ATRNL1: variants seen among roughly 807,000 people sequenced by gnomAD.
ATRNL1 encodes attractin like 1, also known as attractin-like protein 1.
Under a neutral mutation model 182.7 loss-of-function variants are expected in ATRNL1, and 95 were observed. The observed-to-expected ratio is 0.52, with a 90% confidence interval of 0.44 to 0.62. The LOEUF (loss-of-function observed/expected upper bound fraction) is 0.62. Ranked by LOEUF, ATRNL1 falls within the 20% of genes least tolerant of loss-of-function variation. The pLI is 0.00. For missense variants in ATRNL1, 1,471 were observed against 1,679.5 expected, an observed-to-expected ratio of 0.88 and a Z score of 2.17; for synonymous variants, 576 against 568.3, an observed-to-expected ratio of 1.01 and a Z score of -0.19.
chr10:115,625,498 T>C (rs1266824165), intron 26 of ATRNL1, among the ~76,000 whole-genome samples: 3 of 152,174 alleles, frequency 2.0e-5, no homozygotes, highest in African/African-American at 4.8e-5. Flanking sequence ...TGAAAAATAT[T>C]ACACATGTGT....
intron 10 of ATRNL1, among the ~76,000 whole-genome samples, chr10:115,250,125 A>C (rs1850811609): frequency 6.6e-6 from 1 of 152,158 alleles, no homozygotes; most frequent in African/African-American, 2.4e-5. Flanking sequence ...TTTGAGCTAC[A>C]TACTTACACA....
chr10:115,109,921 T>A (rs1844187403), intron 1 of ATRNL1, among the ~76,000 whole-genome samples: 1 of 152,208 alleles, frequency 6.6e-6, no homozygotes, highest in African/African-American at 2.4e-5. Flanking sequence ...CACCATTACC[T>A]AATTTTAGGC....
chr10:115,179,738 A>G (rs1278936795), intron 8 of ATRNL1, among the ~76,000 whole-genome samples: 1 of 152,090 alleles, frequency 6.6e-6, no homozygotes, highest in Non-Finnish European at 1.5e-5. Context: ...GTGGATAAAA[A>G]TGTTGGCAGA....
At chr10:115,250,041 A>T (rs1465620391) in intron 10 of ATRNL1, among the ~76,000 whole-genome samples, 1 of 152,152 alleles carries the variant, frequency 6.6e-6, no homozygotes, top group Non-Finnish European at 1.5e-5. Context: ...TCCTCTTGTT[A>T]TCTGGACAGC....
At chr10:115,424,840 C>A (rs1845813000) in intron 20 of ATRNL1, among the ~76,000 whole-genome samples, 2 of 152,040 alleles carry the variant, frequency 1.3e-5, no homozygotes, top group Admixed American at 1.3e-4. Flanking sequence ...AGAGATTGGT[C>A]AATTTATACA....
At chr10:115,677,825 T>C (rs1555043524) in intron 26 of ATRNL1, among the ~76,000 whole-genome samples, 2 of 152,024 alleles carry the variant, frequency 1.3e-5, no homozygotes, top group African/African-American at 4.8e-5. Flanking sequence ...CAGCACCACA[T>C]TGAGTCTCTG....
intron 20 of ATRNL1, among the ~76,000 whole-genome samples, chr10:115,415,466 C>A (rs987945558): frequency 6.6e-5 from 10 of 151,338 alleles, no homozygotes; most frequent in Non-Finnish European, 1.0e-4. Flanking sequence ...CATATTTCCT[C>A]CCAGTTTGTC....
chr10:115,363,217 A>C (rs182970821), intron 19 of ATRNL1, among the ~76,000 whole-genome samples: 51,103 of 144,808 alleles, frequency 0.35, 8,747 homozygotes, highest in Middle Eastern at 0.47. Flanking sequence ...GCCATTCTAA[A>C]TGGTGTGAGA....
At chr10:115,425,677 TTAATC>T (rs1459623448) in intron 20 of ATRNL1, among the ~76,000 whole-genome samples, 6 of 152,208 alleles carry the variant, frequency 3.9e-5, no homozygotes, top group South Asian at 2.1e-4. Context: ...GCTCCTGAAT[TTAATC>T]TATATTAGTC....
chr10:115,472,826 C>A (rs1230455165), intron 24 of ATRNL1, among the ~76,000 whole-genome samples: 2 of 150,936 alleles, frequency 1.3e-5, no homozygotes, highest in Non-Finnish European at 3.0e-5. Flanking sequence ...AATTTGGATG[C>A]CTTTTACTTT....
chr10:115,393,969 A>C (rs1454589689), intron 19 of ATRNL1, among the ~76,000 whole-genome samples: 3 of 152,092 alleles, frequency 2.0e-5, no homozygotes, highest in African/African-American at 4.8e-5. Flanking sequence ...AGGATGATCT[A>C]AAAAGATCTA....
chr10:115,231,848 G>A (rs1201171316), intron 9 of ATRNL1, among the ~76,000 whole-genome samples: 1 of 152,072 alleles, frequency 6.6e-6, no homozygotes, highest in Non-Finnish European at 1.5e-5. Context: ...TCACTTGAGG[G>A]TGAGAATGAG....
chr10:115,194,399 G>C (rs1848280757), intron 8 of ATRNL1, among the ~76,000 whole-genome samples: 2 of 151,838 alleles, frequency 1.3e-5, no homozygotes, highest in Admixed American at 1.3e-4. Flanking sequence ...ATTTACAATT[G>C]TTCTATCATC....
intron 24 of ATRNL1, among the ~76,000 whole-genome samples, chr10:115,501,797 A>T (rs1194095136): frequency 6.6e-6 from 1 of 152,216 alleles, no homozygotes; most frequent in Non-Finnish European, 1.5e-5. Context: ...TACTGTAGTC[A>T]TCTATTAGTT....
At chr10:115,460,843 T>G (rs1255406760) in intron 21 of ATRNL1, among the ~76,000 whole-genome samples, 1 of 152,160 alleles carries the variant, frequency 6.6e-6, no homozygotes, top group African/African-American at 2.4e-5. Context: ...TTTTATTTTT[T>G]TATTGTATCT....
chr10:115,217,126 T>C (rs1338733119), intron 9 of ATRNL1, among the ~76,000 whole-genome samples: 1 of 152,186 alleles, frequency 6.6e-6, no homozygotes, highest in Non-Finnish European at 1.5e-5. Flanking sequence ...TTTACTCTTA[T>C]TGCCCAGGCT....
intron 27 of ATRNL1, among the ~76,000 whole-genome samples, chr10:115,759,819 G>C (rs1024028088): frequency 1.4e-5 from 2 of 147,476 alleles, no homozygotes; most frequent in Non-Finnish European, 3.0e-5. Flanking sequence ...GGGATTACAG[G>C]TGTGCACCAC....
chr10:115,407,605 T>C (rs1554958569), intron 20 of ATRNL1, among the ~76,000 whole-genome samples: 1 of 152,208 alleles, frequency 6.6e-6, no homozygotes, highest in East Asian at 1.9e-4. Flanking sequence ...TGTGTATATA[T>C]CCTACATTTC....
At chr10:115,184,387 A>G (rs1329072643) in intron 8 of ATRNL1, among the ~76,000 whole-genome samples, 1 of 151,108 alleles carries the variant, frequency 6.6e-6, no homozygotes, top group Non-Finnish European at 1.5e-5. Context: ...CACACACACA[A>G]CTATGTATAT....
Sources: gnomAD v4.1 joint callset for allele counts (sites outside exome capture counted in the v4.1 genomes callset) on GRCh38, gnomAD v4.1.1 for gene constraint, MANE v1.5 for transcripts, NCBI Gene and HGNC (gene_info 2026-07-23, HGNC 2026-07-21) for gene names.